DNAH7: variants seen among roughly 807,000 people sequenced by gnomAD.
The protein encoded by DNAH7 is dynein axonemal heavy chain 7, also known as axonemal beta dynein heavy chain 7.
In DNAH7, 397 loss-of-function variants were observed where a neutral mutation model predicts 444.6. The observed-to-expected ratio is 0.89, with a 90% confidence interval of 0.82 to 0.97. The LOEUF is 0.97. Among genes scored for constraint, DNAH7 ranks in the 50% least tolerant of loss-of-function variants. The pLI is 0.00. For missense variants in DNAH7, 4,902 were observed against 4,800.8 expected, an observed-to-expected ratio of 1.02 and a Z score of -0.62; for synonymous variants, 1,636 against 1,624.4, an observed-to-expected ratio of 1.01 and a Z score of -0.17.
At chr2:195,768,446 A>G (rs116229172) in intron 61 of DNAH7, among the ~76,000 whole-genome samples, 2,559 of 151,990 alleles carry the variant, frequency 0.017, 71 homozygotes, top group African/African-American at 0.058. Flanking sequence ...TTCATCGTGT[A>G]TATTATCATA....
chr2:195,870,185 A>AC (rs1280568974), intron 40 of DNAH7, among the ~76,000 whole-genome samples: 3 of 152,152 alleles, frequency 2.0e-5, no homozygotes. Flanking sequence ...CACTGGGAAA[A>AC]CCAGCGCATA....
intron 19 of DNAH7, among the ~76,000 whole-genome samples, chr2:195,939,384 T>C (rs1237113350): frequency 6.6e-6 from 1 of 152,154 alleles, no homozygotes; most frequent in Non-Finnish European, 1.5e-5. Flanking sequence ...CATCAAATCC[T>C]GGTACAGAGT....
rs1698225454 is a variant in DNAH7 at position 195,834,364 on chromosome 2, A to T, written c.8946-4T>A. The stretch of plus-strand genomic sequence containing the variant: ...CAGAGGCCACCTTCTTGCATTCCTG[A>T]AAAGGAGGAGAAAGACGATGCTGGT... On this transcript the variant is annotated splice_region_variant and splice_polypyrimidine_tract_variant and intron_variant, in intron 47 of 64. Transcript: ENST00000312428. The T allele has an allele frequency of 6.3e-7, 1 of 1,586,088 alleles. No individual in the cohort carries two copies. The highest frequency in any genetic ancestry group is 8.6e-7 in the Non-Finnish European group (1 of 1,158,896).
chr2:195,917,248 C>T (rs1220931172), intron 24 of DNAH7, among the ~76,000 whole-genome samples: 1 of 151,268 alleles, frequency 6.6e-6, no homozygotes, highest in East Asian at 1.9e-4. Flanking sequence ...CAAGTGGGCT[C>T]ACAAATGCAC....
In DNAH7 at chr2:195,858,613, A is replaced by AT; in HGVS notation, c.7927dup (p.Ile2643AsnfsTer5). On this transcript the variant is annotated frameshift_variant, in exon 43 of 65. Coordinates refer to ENST00000312428, the MANE Select transcript of DNAH7 (RefSeq NM_018897.3). LOFTEE classifies it high-confidence loss of function. ...CGCTATTGTTTCATCAGCTTTCACT[A>AT]TTTTTTCAGTTTTGGCAACTTCTAC... 3 of 1,613,860 alleles carry AT rather than the reference A, an allele frequency of 1.9e-6. No homozygotes were observed. The highest frequency in any genetic ancestry group is 1.1e-5 in the South Asian group (1 of 91,070).
chr2:195,853,545 A>C lies in DNAH7; in HGVS notation c.8596-17T>G, dbSNP rs1308585396. 1 of 1,598,564 alleles carries C rather than the reference A, an allele frequency of 6.3e-7. No homozygotes were observed. Among genetic ancestry groups the C allele is most frequent in the Non-Finnish European group, 8.5e-7 (1 of 1,171,316 alleles). ...AAGGTCAACCTCGAAAATAAAAGTGAGCTTTTATCAACATTTACAAGTATA... is the reference window on the plus strand; with the variant it reads ...AAGGTCAACCTCGAAAATAAAAGTGCGCTTTTATCAACATTTACAAGTATA... On this transcript the variant is annotated splice_polypyrimidine_tract_variant and intron_variant, in intron 45 of 64. Transcript: ENST00000312428.
At chr2:195,843,520 A>G (rs1019277213) in intron 47 of DNAH7, among the ~76,000 whole-genome samples, 1 of 152,190 alleles carries the variant, frequency 6.6e-6, no homozygotes, top group Admixed American at 6.5e-5. Context: ...ATGTGATACA[A>G]CTTTTTATTT....
rs749748942 is a variant in DNAH7 at position 195,873,613 on chromosome 2, A to G, written c.6368T>C (p.Met2123Thr). 11 of 1,500,852 alleles carry G rather than the reference A, an allele frequency of 7.3e-6. No individual in the cohort carries two copies. Among genetic ancestry groups the G allele is most frequent in the Non-Finnish European group, 2.7e-6 (3 of 1,121,372 alleles). The allele number at this position is 1,500,852 out of a possible 1,614,324, so 93.0% of individuals were successfully genotyped here. The stretch of plus-strand genomic sequence containing the variant: ...TAAGATTCTAGAGAAGATTGTATAC[A>G]TGGATTTATCACTAAACTCATTGAT... ...ITINEFSDKS[M>T]YTIFSRILTW... Residue 2123 changes from methionine (M) to threonine (T), a missense_variant, in exon 39 of 65, where the codon ATG becomes ACG. Transcript: ENST00000312428.
chr2:195,766,903 T>C (rs1694612258), intron 61 of DNAH7, among the ~76,000 whole-genome samples: 1 of 152,182 alleles, frequency 6.6e-6, no homozygotes, highest in Non-Finnish European at 1.5e-5. Context: ...TCTTAGACTA[T>C]AGTGTCTATT....
intron 10 of DNAH7, among the ~76,000 whole-genome samples, chr2:196,009,790 T>C (rs577100896): frequency 3.9e-5 from 6 of 152,258 alleles, no homozygotes; most frequent in South Asian, 2.1e-4. Context: ...CTGGAATACA[T>C]AGAGAACTCA....
intron 8 of DNAH7, among the ~76,000 whole-genome samples, chr2:196,021,694 C>A (rs1239276897): frequency 6.6e-6 from 1 of 151,798 alleles, no homozygotes; most frequent in Non-Finnish European, 1.5e-5. Flanking sequence ...TAGTGATACG[C>A]ACCTGTGGTC....
chr2:196,053,115 GAAGGAACAGA>G lies in DNAH7; in HGVS notation c.79-1876_79-1867del, dbSNP rs148418653. Among the ~76,000 whole-genome samples the G allele has an allele frequency of 8.9e-4, 135 of 152,344 alleles. No individual in the cohort carries two copies. In the East Asian group the frequency reaches 0.023, roughly 25 times the overall value. On this transcript the variant is annotated intron_variant, in intron 2 of 64. Transcript: ENST00000312428. Reference sequence around the variant, plus strand: ...ACAATGAAGAATAATAAAACAGTGTGAAGGAACAGAGAGGGAAGGAGTGGAAAAGTGCTAG... The same window carrying G: ...ACAATGAAGAATAATAAAACAGTGTGGAGGGAAGGAGTGGAAAAGTGCTAG...
intron 40 of DNAH7, among the ~76,000 whole-genome samples, chr2:195,870,729 G>A (rs905917537): frequency 2.0e-5 from 3 of 152,180 alleles, no homozygotes; most frequent in Non-Finnish European, 4.4e-5. Flanking sequence ...GACATGGTGA[G>A]AAGGCACCAC....
At chr2:195,911,432 TAGAA>T (rs1356608178) in intron 24 of DNAH7, among the ~76,000 whole-genome samples, 1 of 151,752 alleles carries the variant, frequency 6.6e-6, no homozygotes, top group Non-Finnish European at 1.5e-5. Flanking sequence ...TTAAGAGACA[TAGAA>T]GGAAGAAAAT....
chr2:195,808,624 C>G (rs770953138), intron 53 of DNAH7, 58 bp downstream of exon 53: 142 of 1,575,108 alleles, frequency 9.0e-5, no homozygotes, highest in Non-Finnish European at 1.2e-4. Context: ...TGAAAAGATA[C>G]TTAACATTCT....
rs189647757 is a variant in DNAH7, at chr2:195,910,927, G to A, written c.3936-732C>T. 4.3e-4 allele frequency among the ~76,000 whole-genome samples: 66 copies of A among 152,248 alleles called. No homozygotes were observed. The East Asian group carries it at 0.011, about 25-fold the overall frequency. ...AGGTCCAAATTTCTACTAGTCATGG[G>A]CACATTAATCCAAAATGATAAATTA... On this transcript the variant is annotated intron_variant, in intron 24 of 64. Transcript: ENST00000312428.
At chr2:195,848,873 C>T (rs189018336) in intron 46 of DNAH7, among the ~76,000 whole-genome samples, 23 of 152,246 alleles carry the variant, frequency 1.5e-4, no homozygotes, top group Admixed American at 1.5e-3. Context: ...GGGGTGAGGG[C>T]TTAGCAAACT....
At chr2:195,864,046 A>G (rs1700172722) in intron 41 of DNAH7, 103 bp downstream of exon 41, 2 of 1,110,910 alleles carry the variant, frequency 1.8e-6, no homozygotes, top group Non-Finnish European at 2.6e-6. Context: ...CTGCTAAACA[A>G]TATTTTGGGG....
chr2:195,836,632 G>A (rs1205286356), intron 47 of DNAH7, among the ~76,000 whole-genome samples: 1 of 151,996 alleles, frequency 6.6e-6, no homozygotes, highest in Non-Finnish European at 1.5e-5. Flanking sequence ...AAAGAGTAAT[G>A]TAACATCTTA....
Sources: allele counts gnomAD v4.1 joint callset (sites outside exome capture counted in the v4.1 genomes callset), GRCh38; gene constraint gnomAD v4.1.1; transcripts MANE v1.5; gene names NCBI Gene and HGNC (gene_info 2026-07-23, HGNC 2026-07-21).